Variants in DNMBP observed in about 807,000 individuals in gnomAD.
The protein encoded by DNMBP is dynamin-binding protein.
In DNMBP, 87 loss-of-function variants were observed where a neutral mutation model predicts 150.0. The observed-to-expected ratio is 0.58, with a 90% CI of 0.49 to 0.69. DNMBP has a LOEUF of 0.69. Ranked by LOEUF, DNMBP falls within the 30% of genes least tolerant of loss-of-function variation. The pLI is 0.00. For missense variants in DNMBP, 1,774 were observed against 1,949.0 expected, an observed-to-expected ratio of 0.91 and a Z score of 1.69; for synonymous variants, 711 against 750.4, an observed-to-expected ratio of 0.95 and a Z score of 0.86.
At chr10:99,885,946 T>C (rs74155713) in intron 13 of DNMBP, 80 bp from the exon 14 acceptor site, 4 of 1,323,986 alleles carry the variant, frequency 3.0e-6, no homozygotes, top group African/African-American at 1.5e-5. Context: ...GAAAACATGA[T>C]GAAAGATCCC....
At chr10:99,885,911 C>T (rs765425368) in intron 13 of DNMBP, 45 bp from the exon 14 acceptor site, 24 of 1,498,032 alleles carry the variant, frequency 1.6e-5, no homozygotes, top group East Asian at 4.6e-5. Flanking sequence ...GAAGAAAACA[C>T]GATAAAAGAT....
intron 4 of DNMBP, among the ~76,000 whole-genome samples, chr10:99,912,674 G>A (rs762852579): frequency 2.6e-5 from 4 of 152,106 alleles, no homozygotes; most frequent in Non-Finnish European, 5.9e-5. Context: ...AAAACCCTAG[G>A]TGTTTCCTTC....
intron 1 of DNMBP, among the ~76,000 whole-genome samples, chr10:100,001,859 T>C (rs2041017198): frequency 6.6e-6 from 1 of 152,200 alleles, no homozygotes; most frequent in African/African-American, 2.4e-5. Context: ...TCAAAAGTAC[T>C]TCTCCCCTCC....
chr10:99,989,248 T>C (rs1027364824), intron 1 of DNMBP, among the ~76,000 whole-genome samples: 3 of 152,254 alleles, frequency 2.0e-5, no homozygotes, highest in African/African-American at 7.2e-5. Context: ...TGTTTCCCTG[T>C]CACATTTTGG....
At chr10:100,006,117 T>C (rs1450176368) in intron 1 of DNMBP, among the ~76,000 whole-genome samples, 2 of 152,220 alleles carry the variant, frequency 1.3e-5, no homozygotes, top group Non-Finnish European at 2.9e-5. Context: ...TCATCCTTTT[T>C]CAATCAGGAA....
At chr10:99,902,086 C>T (rs1229272692) in intron 6 of DNMBP, among the ~76,000 whole-genome samples, 6 of 151,762 alleles carry the variant, frequency 4.0e-5, no homozygotes, top group South Asian at 4.2e-4. Flanking sequence ...GACGGGGTTT[C>T]GGCACGTTGG....
chr10:99,945,092 T>C (rs567125971), intron 4 of DNMBP, among the ~76,000 whole-genome samples: 3 of 152,300 alleles, frequency 2.0e-5, no homozygotes, highest in African/African-American at 4.8e-5. Flanking sequence ...GGACCTGGGC[T>C]GAGAATGACT....
At chr10:100,001,592 T>C (rs1348152659) in intron 1 of DNMBP, among the ~76,000 whole-genome samples, 3 of 148,444 alleles carry the variant, frequency 2.0e-5, no homozygotes, top group African/African-American at 7.9e-5. Flanking sequence ...TTGTATTTTT[T>C]GGTAGTGATG....
At chr10:99,877,969 G>A (rs2039302846) in intron 16 of DNMBP, among the ~76,000 whole-genome samples, 1 of 152,002 alleles carries the variant, frequency 6.6e-6, no homozygotes, top group Non-Finnish European at 1.5e-5. Context: ...CCAAAAACAC[G>A]AAAAATAAGC....
intron 1 of DNMBP, among the ~76,000 whole-genome samples, chr10:99,980,705 T>G (rs1245708849): frequency 6.6e-6 from 1 of 151,576 alleles, no homozygotes; most frequent in Non-Finnish European, 1.5e-5. Flanking sequence ...TTCAGGAAGC[T>G]GAGGTGGGAG....
At chr10:99,897,007 A>G (rs1316249881) in intron 9 of DNMBP, among the ~76,000 whole-genome samples, 1 of 152,254 alleles carries the variant, frequency 6.6e-6, no homozygotes, top group African/African-American at 2.4e-5. Flanking sequence ...CTGGATGACC[A>G]GAGAGCTTTA....
chr10:99,915,583 C>T (rs2133258019), intron 4 of DNMBP, among the ~76,000 whole-genome samples: 1 of 152,060 alleles, frequency 6.6e-6, no homozygotes, highest in East Asian at 1.9e-4. Flanking sequence ...GGCGTGGTAG[C>T]ACGTGCCTGT....
intron 1 of DNMBP, among the ~76,000 whole-genome samples, chr10:99,990,141 C>T (rs1212721048): frequency 2.6e-5 from 4 of 152,138 alleles, no homozygotes; most frequent in Admixed American, 2.6e-4. Context: ...CTATTCTTTC[C>T]CACAGAGGTA....
chr10:99,989,100 A>G (rs977420103), intron 1 of DNMBP, among the ~76,000 whole-genome samples: 1 of 152,242 alleles, frequency 6.6e-6, no homozygotes, highest in African/African-American at 2.4e-5. Flanking sequence ...GGAATTATAT[A>G]TCCTTACAAG....
At chr10:99,915,128 T>TATATATATATATAC (rs1439020903) in intron 4 of DNMBP, among the ~76,000 whole-genome samples, 4 of 126,134 alleles carry the variant, frequency 3.2e-5, no homozygotes, top group African/African-American at 1.3e-4. Context: ...TATATATATA[T>TATATATATATATAC]ACACACACAC....
intron 4 of DNMBP, chr10:99,914,148 A>T (rs2039935799): frequency 1.5e-6 from 2 of 1,294,396 alleles, no homozygotes; most frequent in Non-Finnish European, 2.0e-6. Context: ...GGCTTGTCCT[A>T]AAGGATGGAG....
At position 99,898,284 on chromosome 10, in the gene DNMBP, C is replaced by T; in HGVS notation, c.2722G>A (p.Gly908Arg). 1 of 1,612,036 alleles carries T rather than the reference C, an allele frequency of 6.2e-7. No individual in the cohort carries two copies. Among genetic ancestry groups the T allele is most frequent in the Non-Finnish European group, 8.5e-7 (1 of 1,178,402 alleles). Residue 908 changes from glycine to arginine, a missense_variant and splice_region_variant, in exon 9 of 17, where the codon GGA (glycine) becomes AGA (arginine). Transcript: ENST00000324109. ...CCCAGGTTAATATAATTTGTGCATC[C>T]CCTGTAAGAGAAGGAAAAAAGACTT... ...ADLKSLYNEW[G>R]CTNYINLGSF... is the part of the protein sequence containing the mutation.
intron 4 of DNMBP, among the ~76,000 whole-genome samples, chr10:99,914,854 G>A (rs2039943478): frequency 6.6e-6 from 1 of 151,890 alleles, no homozygotes; most frequent in African/African-American, 2.4e-5. Context: ...CACCCTGGGA[G>A]GCCGAGATGG....
intron 4 of DNMBP, among the ~76,000 whole-genome samples, chr10:99,953,089 G>A (rs1342785627): frequency 6.6e-6 from 1 of 152,060 alleles, no homozygotes; most frequent in Admixed American, 6.6e-5. Context: ...TTTTTCTCCT[G>A]TGAGTCTGGT....
Sources: allele counts gnomAD v4.1 joint callset (sites outside exome capture counted in the v4.1 genomes callset), GRCh38; gene constraint gnomAD v4.1.1; transcripts MANE v1.5; gene names NCBI Gene and HGNC (gene_info 2026-07-23, HGNC 2026-07-21).